Variants in ATXN2 observed in about 807,000 individuals in gnomAD.
ATXN2 encodes ataxin-2.
A neutral mutation model predicts 138.6 loss-of-function variants in ATXN2; 37 were observed. That is an observed-to-expected ratio of 0.27 (90% CI 0.21 to 0.35). The LOEUF (loss-of-function observed/expected upper bound fraction) is 0.35. Among genes scored for constraint, ATXN2 ranks in the 10% least tolerant of loss-of-function variants. The probability of loss-of-function intolerance (pLI) is 1.00; values close to 1 mark genes in which losing one functional copy is unlikely to be tolerated. For missense variants in ATXN2, 1,216 were observed against 1,480.3 expected, an observed-to-expected ratio of 0.82 and a Z score of 2.93; for synonymous variants, 549 against 543.7, an observed-to-expected ratio of 1.01 and a Z score of -0.13.
At chr12:111,505,725 C>T (rs982325414) in intron 14 of ATXN2, among the ~76,000 whole-genome samples, 1 of 152,130 alleles carries the variant, frequency 6.6e-6, no homozygotes, top group Non-Finnish European at 1.5e-5. Flanking sequence ...AAACAGAAAC[C>T]CTCATACCCT....
upstream of ATXN2, chr12:111,599,480 G>A: frequency 1.6e-6 from 2 of 1,214,704 alleles, no homozygotes; most frequent in Non-Finnish European, 2.0e-6. Flanking sequence ...GGTGGCCACC[G>A]CGGGACTCCG....
At chr12:111,539,540 G>T (rs1381106001) in intron 5 of ATXN2, among the ~76,000 whole-genome samples, 1 of 150,304 alleles carries the variant, frequency 6.7e-6, no homozygotes, top group Admixed American at 6.7e-5. Context: ...GAGGTCAGGA[G>T]ATTGAGACCA....
chr12:111,592,396 CAAAA>C (rs902865138), intron 1 of ATXN2, among the ~76,000 whole-genome samples: 1 of 149,164 alleles, frequency 6.7e-6, no homozygotes, highest in Non-Finnish European at 1.5e-5. Flanking sequence ...CAAAAACAAA[CAAAA>C]AAACCCTTAG....
chr12:111,479,103 C>A, intron 18 of ATXN2: 2 of 392,138 alleles, frequency 5.1e-6, no homozygotes, highest in East Asian at 7.2e-5. Flanking sequence ...AGGTATTTAA[C>A]TAAAAGAAAT....
intron 5 of ATXN2, among the ~76,000 whole-genome samples, chr12:111,547,824 T>C (rs1383550008): frequency 6.8e-6 from 1 of 147,962 alleles, no homozygotes; most frequent in Non-Finnish European, 1.5e-5. Context: ...CTGCATCTTA[T>C]ATTGCTTGAG....
chr12:111,536,004 A>G (rs1192306456), intron 5 of ATXN2, among the ~76,000 whole-genome samples: 9 of 151,952 alleles, frequency 5.9e-5, no homozygotes, highest in Non-Finnish European at 1.3e-4. Context: ...CGTCTCAAAA[A>G]AAAAAAAAAA....
intron 14 of ATXN2, among the ~76,000 whole-genome samples, chr12:111,502,955 G>T (rs77965675): frequency 6.6e-6 from 1 of 152,130 alleles, no homozygotes; most frequent in Non-Finnish European, 1.5e-5. Context: ...TTTGGCTTGG[G>T]GGAAGTAGAT....
chr12:111,456,018 G>A lies in ATXN2; in HGVS notation c.3270+11C>T, dbSNP rs1875060141. The A allele has an allele frequency of 6.2e-7, 1 of 1,613,050 alleles. No individual in the cohort carries two copies. Among genetic ancestry groups the A allele is most frequent in the South Asian group, 1.1e-5 (1 of 91,050 alleles). On this transcript the variant is annotated intron_variant, in intron 23 of 24. Coordinates refer to ENST00000673436, the MANE Select transcript of ATXN2 (RefSeq NM_001372574.1). ...TGGCCTTCACAGAAAGTTGGCTAAA[G>A]CTGGTATTACCTGAGGTACGTGGGC...
Position 111,525,778 on chromosome 12 carries a change from G to A in ATXN2, c.572-462C>T, listed in dbSNP as rs547116992. ...CGGCTCACTGCAACCTCTGCCTCCC[G>A]GGTTCAAGCGATTCTCCTGCCTCAG... On this transcript the variant is annotated intron_variant, in intron 5 of 24. Transcript: ENST00000673436. Among the ~76,000 whole-genome samples the A allele has an allele frequency of 4.1e-4, 62 of 151,148 alleles. 1 individual carries two copies. The South Asian group carries it at 0.01, about 25-fold the overall frequency.
chr12:111,561,649 C>G (rs1344070382), intron 1 of ATXN2, among the ~76,000 whole-genome samples: 2 of 152,132 alleles, frequency 1.3e-5, no homozygotes, highest in South Asian at 4.1e-4. Flanking sequence ...GCCTAGCCAA[C>G]ATGGTGAAAC....
chr12:111,504,299 A>C (rs1412294268), intron 14 of ATXN2, among the ~76,000 whole-genome samples: 1 of 152,132 alleles, frequency 6.6e-6, no homozygotes, highest in African/African-American at 2.4e-5. Flanking sequence ...AGGAAAGAAT[A>C]GTCTTTTTTT....
At chr12:111,520,636 C>T (rs1223185415) in intron 7 of ATXN2, among the ~76,000 whole-genome samples, 1 of 151,620 alleles carries the variant, frequency 6.6e-6, no homozygotes, top group Admixed American at 6.6e-5. Flanking sequence ...GGAGACACAG[C>T]GAGATTCCCT....
At chr12:111,586,053 T>C (rs1054692383) in intron 1 of ATXN2, among the ~76,000 whole-genome samples, 9 of 150,258 alleles carry the variant, frequency 6.0e-5, no homozygotes, top group African/African-American at 2.0e-4. Flanking sequence ...TGCACGACCA[T>C]GACTGGCTAA....
At chr12:111,517,690 C>T (rs1002002114) in intron 9 of ATXN2, among the ~76,000 whole-genome samples, 1 of 152,068 alleles carries the variant, frequency 6.6e-6, no homozygotes, top group Non-Finnish European at 1.5e-5. Context: ...CTGTAACATC[C>T]ACCCTTAGAC....
chr12:111,570,520 C>T (rs1480611033), intron 1 of ATXN2, among the ~76,000 whole-genome samples: 1 of 152,174 alleles, frequency 6.6e-6, no homozygotes, highest in Non-Finnish European at 1.5e-5. Flanking sequence ...GGACCCCCTC[C>T]AATTCTTCTA....
At chr12:111,592,242 T>C (rs1260301888) in intron 1 of ATXN2, among the ~76,000 whole-genome samples, 1 of 151,392 alleles carries the variant, frequency 6.6e-6, no homozygotes, top group Non-Finnish European at 1.5e-5. Context: ...ATGCAAAACT[T>C]AGCCAGGCAT....
At chr12:111,492,597 G>A (rs1340123045) in intron 14 of ATXN2, among the ~76,000 whole-genome samples, 1 of 151,994 alleles carries the variant, frequency 6.6e-6, no homozygotes, top group African/African-American at 2.4e-5. Flanking sequence ...CAGGAGAATT[G>A]CTTGAATCCG....
At chr12:111,517,891 A>G (rs759431953) in intron 9 of ATXN2, among the ~76,000 whole-genome samples, 11 of 152,162 alleles carry the variant, frequency 7.2e-5, no homozygotes, top group Non-Finnish European at 1.5e-4. Flanking sequence ...CATATAAATT[A>G]TGTCTAAAAA....
intron 5 of ATXN2, among the ~76,000 whole-genome samples, chr12:111,546,367 C>A (rs1247911101): frequency 6.6e-6 from 1 of 152,184 alleles, no homozygotes; most frequent in East Asian, 1.9e-4. Context: ...CTTTGCAAGT[C>A]CTACAGTCAG....
Sources: allele counts gnomAD v4.1 joint callset (sites outside exome capture counted in the v4.1 genomes callset), GRCh38; gene constraint gnomAD v4.1.1; transcripts MANE v1.5; gene names NCBI Gene and HGNC (gene_info 2026-07-23, HGNC 2026-07-21).